The following CROT variants were observed in gnomAD, a reference collection of about 807,000 sequenced individuals.
CROT encodes peroxisomal carnitine O-octanoyltransferase.
A neutral mutation model predicts 89.2 loss-of-function variants in CROT; 84 were observed. The observed-to-expected ratio is 0.94, with a 90% confidence interval of 0.79 to 1.13. The LOEUF is 1.13. Ranked by LOEUF, CROT falls within the 50% of genes most tolerant of loss-of-function variation. CROT has a pLI of 0.00. For missense variants in CROT, 711 were observed against 727.8 expected, an observed-to-expected ratio of 0.98 and a Z score of 0.27; for synonymous variants, 212 against 239.5, an observed-to-expected ratio of 0.89 and a Z score of 1.06.
At chr7:87,374,758 AG>A (rs1343894156) in intron 7 of CROT, among the ~76,000 whole-genome samples, 1 of 152,054 alleles carries the variant, frequency 6.6e-6, no homozygotes, top group Non-Finnish European at 1.5e-5. Context: ...AACAGAGGAG[AG>A]TATGCAAATC....
intron 9 of CROT, among the ~76,000 whole-genome samples, chr7:87,377,130 T>C (rs1806833374): frequency 6.6e-6 from 1 of 152,164 alleles, no homozygotes; most frequent in Non-Finnish European, 1.5e-5. Context: ...AGGATTTTCT[T>C]AACTTGAGAT....
intron 3 of CROT, among the ~76,000 whole-genome samples, chr7:87,351,193 C>A (rs1470520881): frequency 6.6e-6 from 1 of 151,226 alleles, no homozygotes; most frequent in Non-Finnish European, 1.5e-5. Flanking sequence ...CTTGTAGTCC[C>A]AGCTACTCAG....
At position 87,349,184 on chromosome 7, in the gene CROT, G is replaced by C. The variant is rs374673999; in HGVS notation, c.115+1G>C. 184 of 1,459,008 alleles carry C rather than the reference G, an allele frequency of 1.3e-4. 1 individual carries two copies. In the African/African-American group the frequency reaches 2.4e-3, roughly 19 times the overall value. 90.4% of individuals were successfully genotyped at this position (1,459,008 alleles called of 1,614,324 possible). A position where few individuals can be genotyped will look rare whatever the true frequency, so the allele number is the denominator to read the frequency against. Reference sequence around the variant, plus strand: ...TCATTAAAAAAATACCTTGAATCAGGTATGTTAATAATCTTTTAGTATATA... The same window carrying C: ...TCATTAAAAAAATACCTTGAATCAGCTATGTTAATAATCTTTTAGTATATA... On this transcript the variant is annotated splice_donor_variant, in intron 3 of 17. Transcript: ENST00000331536. LOFTEE classifies it high-confidence loss of function.
intron 7 of CROT, among the ~76,000 whole-genome samples, chr7:87,372,008 A>AAC (rs1806655764): frequency 4.8e-5 from 2 of 42,094 alleles, no homozygotes; most frequent in Admixed American, 3.2e-4. Flanking sequence ...AAAAAAAAAC[A>AAC]AAAAAAAAAA....
At chr7:87,384,223 T>C (rs1345757126) in intron 13 of CROT, among the ~76,000 whole-genome samples, 2 of 152,146 alleles carry the variant, frequency 1.3e-5, no homozygotes, top group African/African-American at 4.8e-5. Context: ...ATGTCTTCTT[T>C]TGAGAAATGT....
At chr7:87,370,115 A>G (rs1432839901) in intron 7 of CROT, among the ~76,000 whole-genome samples, 3 of 152,140 alleles carry the variant, frequency 2.0e-5, no homozygotes, top group Non-Finnish European at 4.4e-5. Flanking sequence ...ATATTTCAGT[A>G]TACATCTCTA....
intron 10 of CROT, among the ~76,000 whole-genome samples, chr7:87,378,879 T>C (rs1408975665): frequency 1.3e-5 from 2 of 152,188 alleles, no homozygotes; most frequent in African/African-American, 4.8e-5. Flanking sequence ...ACAAGGTGGA[T>C]TGGTTAATAG....
intron 7 of CROT, among the ~76,000 whole-genome samples, chr7:87,373,418 G>A (rs1089472): frequency 0.87 from 132,785 of 152,044 alleles, 58,138 homozygotes; most frequent in Middle Eastern, 0.94. Context: ...AATATTTTTC[G>A]TTTTGACAAA....
Position 87,398,742 on chromosome 7 carries a change from A to G in CROT, c.*98A>G. ...AGATGGGAAGGAATGTTGACTTGCT[A>G]ACATTCCTTTAACAAGTTAAGAAAA... On this transcript the variant is annotated 3_prime_UTR_variant, in exon 18 of 18. Transcript: ENST00000331536. 1.7e-6 allele frequency: 2 copies of G among 1,169,166 alleles called. No individual in the cohort carries two copies. Among genetic ancestry groups the G allele is most frequent in the Non-Finnish European group, 2.4e-6 (2 of 830,138 alleles). The allele number at this position is 1,169,166 out of a possible 1,614,324, so 72.4% of individuals were successfully genotyped here.
chr7:87,394,165 G>T (rs1211287515), intron 17 of CROT, among the ~76,000 whole-genome samples: 1 of 152,110 alleles, frequency 6.6e-6, no homozygotes, highest in Non-Finnish European at 1.5e-5. Flanking sequence ...ATTAACTGTG[G>T]TACACACTGT....
At chr7:87,393,889 G>A (rs961562565) in intron 17 of CROT, among the ~76,000 whole-genome samples, 18 of 152,024 alleles carry the variant, frequency 1.2e-4, no homozygotes, top group African/African-American at 3.4e-4. Context: ...AAAATTTTTT[G>A]GAGATTGAGA....
chr7:87,348,853 G>A (rs906176794), intron 2 of CROT, among the ~76,000 whole-genome samples, 195 bp from the exon 3 acceptor site: 3 of 152,134 alleles, frequency 2.0e-5, no homozygotes, highest in African/African-American at 7.2e-5. Context: ...TTTACTTCTA[G>A]CACTTTGTGT....
chr7:87,391,711 A>G lies in CROT; in HGVS notation c.1424A>G (p.Asn475Ser), dbSNP rs1179938264. The G allele has an allele frequency of 1.2e-6, 2 of 1,604,810 alleles. No homozygotes were observed. The highest frequency in any genetic ancestry group is 1.7e-6 in the Non-Finnish European group (2 of 1,177,254). ...WCQSMQDPSVNLRERQQKMLQ... is the reference protein window; with the variant it reads ...WCQSMQDPSVSLRERQQKMLQ... ...CAGTCCATGCAGGATCCTTCTGTCA[A>G]TGTGAGTATTGGAAAGGAAAAAAAC... Residue 475 changes from asparagine to serine, a missense_variant and splice_region_variant, in exon 14 of 18, where the codon AAT becomes AGT. Coordinates refer to ENST00000331536, the MANE Select transcript of CROT (RefSeq NM_021151.4).
chr7:87,380,925 T>C (rs1806975506), intron 10 of CROT, among the ~76,000 whole-genome samples: 1 of 152,234 alleles, frequency 6.6e-6, no homozygotes, highest in East Asian at 1.9e-4. Flanking sequence ...ATGTGTGCTG[T>C]TGTTGGCAGA....
intron 10 of CROT, among the ~76,000 whole-genome samples, chr7:87,381,179 T>C (rs922930487): frequency 6.6e-6 from 1 of 152,202 alleles, no homozygotes; most frequent in Non-Finnish European, 1.5e-5. Flanking sequence ...TCATGAATGA[T>C]ATCTGTGTCT....
chr7:87,383,660 C>A (rs1391095572), intron 13 of CROT, among the ~76,000 whole-genome samples: 2 of 151,976 alleles, frequency 1.3e-5, no homozygotes, highest in East Asian at 1.9e-4. Flanking sequence ...CCATGCCTGG[C>A]TAATTTTTAT....
At chr7:87,377,285 A>G in intron 9 of CROT, 64 bp from the exon 10 acceptor site, 1 of 962,512 alleles carries the variant, frequency 1.0e-6, no homozygotes. Context: ...TATGTGTTTA[A>G]GATGTAAATT....
chr7:87,391,012 G>A (rs1807340951), intron 13 of CROT, among the ~76,000 whole-genome samples: 2 of 152,192 alleles, frequency 1.3e-5, no homozygotes, highest in Admixed American at 6.5e-5. Context: ...AGCCAAGGCT[G>A]TTTTCATCTG....
intron 13 of CROT, among the ~76,000 whole-genome samples, chr7:87,385,193 T>C (rs1807150473): frequency 6.6e-6 from 1 of 152,056 alleles, no homozygotes; most frequent in African/African-American, 2.4e-5. Flanking sequence ...TGTGGTTCCA[T>C]ATGAATTTTT....
Sources: allele counts gnomAD v4.1 joint callset (sites outside exome capture counted in the v4.1 genomes callset), GRCh38; gene constraint gnomAD v4.1.1; transcripts MANE v1.5; gene names NCBI Gene and HGNC (gene_info 2026-07-23, HGNC 2026-07-21).